The following PLAC1 variants were observed in gnomAD, a reference collection of about 807,000 sequenced individuals.
The protein encoded by PLAC1 is placenta-specific protein 1.
For missense variants in PLAC1, 136 were observed against 163.2 expected (o/e 0.83, Z 0.91); for synonymous variants, 68 against 62.1 (o/e 1.09, Z -0.44).
intron 2 of PLAC1, among the ~76,000 whole-genome samples, chrX:134,696,351 GA>G (rs1190574268): frequency 2.7e-5 from 3 of 111,404 alleles, no homozygotes; most frequent in Non-Finnish European, 5.7e-5. Context: ...TAATGAGGGG[GA>G]GTGGAGGGGA....
rs149666349 is a variant in PLAC1, at chrX:134,603,995, C to T, written c.-130-1873G>A. Among the ~76,000 whole-genome samples, 490 of 112,702 alleles carry T rather than the reference C, an allele frequency of 4.3e-3. 4 individuals are homozygous for T. The highest frequency in any genetic ancestry group is 0.015 in the African/African-American group (469 of 31,048). ...TTCAACTGCTGAAGAAACCAAGACA[C>T]AGATTCACTAAAAGATTCACTTGGA... On this transcript the variant is annotated intron_variant, in intron 1 of 2. Coordinates refer to ENST00000359237, the MANE Select transcript of PLAC1 (RefSeq NM_021796.4).
At chrX:134,586,839 TTGTGTGTG>T (rs757041226) in intron 2 of PLAC1, among the ~76,000 whole-genome samples, 10 of 76,653 alleles carry the variant, frequency 1.3e-4, no homozygotes, top group African/African-American at 3.2e-4. Flanking sequence ...CCCAGCTAAT[TTGTGTGTG>T]TGTGTGTGTG....
At chrX:134,658,256 G>A (rs2078402059) in intron 1 of PLAC1, 72 bp downstream of exon 1, 1 of 112,447 alleles carries the variant, frequency 8.9e-6, no homozygotes, top group African/African-American at 3.2e-5. Flanking sequence ...CCTAAGCGAA[G>A]CTTTCACACA....
intron 2 of PLAC1, among the ~76,000 whole-genome samples, chrX:134,571,488 A>G (rs1863870610): frequency 9.0e-6 from 1 of 111,409 alleles, no homozygotes; most frequent in Non-Finnish European, 1.9e-5. Flanking sequence ...CTAGTGATCT[A>G]TTGCACAGCA....
chrX:134,700,836 T>C (rs1351208233), intron 2 of PLAC1, among the ~76,000 whole-genome samples: 1 of 112,071 alleles, frequency 8.9e-6, no homozygotes, highest in Non-Finnish European at 1.9e-5. Context: ...ATTGGAAGAA[T>C]CAATATCTTT....
chrX:134,719,926 CT>C (rs768911440), intron 2 of PLAC1, among the ~76,000 whole-genome samples: 31 of 111,966 alleles, frequency 2.8e-4, no homozygotes, highest in Non-Finnish European at 4.9e-4. Flanking sequence ...AGATTTCCCC[CT>C]AAGATCAAAA....
At chrX:134,671,050 C>T (rs899857700) in intron 2 of PLAC1, among the ~76,000 whole-genome samples, 10 of 111,519 alleles carry the variant, frequency 9.0e-5, no homozygotes, top group African/African-American at 3.3e-4. Context: ...ACTCCTATGA[C>T]ATCTTGGGTG....
chrX:134,638,984 T>C (rs1279713633), intron 1 of PLAC1, among the ~76,000 whole-genome samples: 1 of 111,713 alleles, frequency 9.0e-6, no homozygotes, highest in Non-Finnish European at 1.9e-5. Context: ...CCCTTCTTTA[T>C]GTCCATGTGT....
At chrX:134,614,735 A>G (rs1263329512) in intron 1 of PLAC1, among the ~76,000 whole-genome samples, 1 of 111,860 alleles carries the variant, frequency 8.9e-6, no homozygotes, top group Non-Finnish European at 1.9e-5. Context: ...CTTGGGCTCA[A>G]GCTATCCTCC....
At chrX:134,617,483 A>G (rs2078189995) in intron 1 of PLAC1, among the ~76,000 whole-genome samples, 2 of 111,866 alleles carry the variant, frequency 1.8e-5, no homozygotes, top group African/African-American at 6.5e-5. Context: ...AATGGTCTTT[A>G]CTGTGTTGAG....
At chrX:134,748,308 C>T (rs184167820) in intron 1 of PLAC1, among the ~76,000 whole-genome samples, 2 of 99,113 alleles carry the variant, frequency 2.0e-5, no homozygotes, top group South Asian at 4.8e-4. Flanking sequence ...CCAGCCTGGG[C>T]GACAAGAGAG....
At chrX:134,717,665 C>G (rs1244104813) in intron 2 of PLAC1, among the ~76,000 whole-genome samples, 1 of 111,987 alleles carries the variant, frequency 8.9e-6, no homozygotes, top group African/African-American at 3.2e-5. Context: ...AATTCTAGAG[C>G]CATTCATTAG....
chrX:134,632,217 C>T (rs1383079256), intron 1 of PLAC1, among the ~76,000 whole-genome samples: 1 of 111,648 alleles, frequency 9.0e-6, no homozygotes, highest in Non-Finnish European at 1.9e-5. Context: ...GCAAAGTCCC[C>T]TCAGCAATGG....
At chrX:134,729,362 C>G (rs2078682260) in intron 2 of PLAC1, among the ~76,000 whole-genome samples, 1 of 111,690 alleles carries the variant, frequency 9.0e-6, no homozygotes, top group South Asian at 3.8e-4. Context: ...ACCTAAGAAC[C>G]CTGTGAATTA....
At chrX:134,711,220 G>A (rs968454175) in intron 2 of PLAC1, among the ~76,000 whole-genome samples, 2 of 111,687 alleles carry the variant, frequency 1.8e-5, no homozygotes, top group African/African-American at 6.5e-5. Context: ...TGGACAGCTC[G>A]GAGAAAGGGA....
intron 2 of PLAC1, among the ~76,000 whole-genome samples, chrX:134,712,475 G>A (rs185577244): frequency 9.0e-6 from 1 of 111,457 alleles, no homozygotes; most frequent in South Asian, 3.8e-4. Context: ...AACACAGCCA[G>A]TGCTAGAAGT....
intron 1 of PLAC1, among the ~76,000 whole-genome samples, chrX:134,634,777 C>T (rs757065870): frequency 1.8e-5 from 2 of 112,068 alleles, no homozygotes; most frequent in South Asian, 3.7e-4. Flanking sequence ...AGTTGATAGA[C>T]GTTTGAGTTG....
intron 2 of PLAC1, among the ~76,000 whole-genome samples, chrX:134,600,212 T>C (rs897877596): frequency 4.5e-5 from 5 of 111,115 alleles, no homozygotes; most frequent in African/African-American, 1.6e-4. Context: ...TTTTTTTCTT[T>C]GTTGAAATGG....
At chrX:134,590,430 A>G (rs931169564) in intron 2 of PLAC1, among the ~76,000 whole-genome samples, 5 of 111,267 alleles carry the variant, frequency 4.5e-5, no homozygotes, top group African/African-American at 1.3e-4. Context: ...ACAGTCCCAA[A>G]TGGGAGACAC....
Sources: gnomAD v4.1 joint callset for allele counts (sites outside exome capture counted in the v4.1 genomes callset) on GRCh38, gnomAD v4.1.1 for gene constraint, MANE v1.5 for transcripts, NCBI Gene and HGNC (gene_info 2026-07-23, HGNC 2026-07-21) for gene names.